The following BMPER variants were observed in gnomAD, a reference collection of about 807,000 sequenced individuals.
BMPER encodes the protein BMP binding endothelial regulator, also known as BMP-binding endothelial regulator protein.
In BMPER, 45 loss-of-function variants were observed where a neutral mutation model predicts 87.3. The ratio of observed to expected loss-of-function variants is 0.52; its 90% CI spans 0.41 to 0.66. The LOEUF (loss-of-function observed/expected upper bound fraction) is 0.66. BMPER is among the 30% of genes least tolerant of loss of function. The probability of loss-of-function intolerance (pLI) is 0.00; values close to 1 mark genes in which losing one functional copy is unlikely to be tolerated. For missense variants in BMPER, 784 were observed against 867.5 expected (o/e 0.90, Z 1.21); for synonymous variants, 326 against 316.2 (o/e 1.03, Z -0.33).
chr7:34,080,944 A>G (rs1239623854), intron 12 of BMPER, among the ~76,000 whole-genome samples: 3 of 152,204 alleles, frequency 2.0e-5, no homozygotes, highest in Non-Finnish European at 2.9e-5. Context: ...TAAATGCCAT[A>G]ATTAGATTAG....
At chr7:34,147,818 T>C (rs17753494) in intron 14 of BMPER, among the ~76,000 whole-genome samples, 3,786 of 152,272 alleles carry the variant, frequency 0.025, 80 homozygotes, top group Middle Eastern at 0.054. Flanking sequence ...AAAATACATA[T>C]GTGCCCATCA....
intron 3 of BMPER, among the ~76,000 whole-genome samples, chr7:33,947,439 T>C (rs2128612279): frequency 6.6e-6 from 1 of 152,326 alleles, no homozygotes; most frequent in South Asian, 2.1e-4. Context: ...GGGGTTTATT[T>C]TCCATAACCT....
intron 13 of BMPER, among the ~76,000 whole-genome samples, chr7:34,131,020 C>G (rs577127862): frequency 7.9e-5 from 12 of 152,108 alleles, no homozygotes; most frequent in African/African-American, 2.9e-4. Context: ...AGGCAATTAT[C>G]TCTGCAGTTG....
At chr7:33,951,446 A>G (rs185598296) in intron 3 of BMPER, among the ~76,000 whole-genome samples, 6 of 152,092 alleles carry the variant, frequency 3.9e-5, no homozygotes, top group Non-Finnish European at 7.4e-5. Context: ...TTTCTACCCT[A>G]TGTTGTAGAG....
chr7:34,059,467 A>G (rs1788374009), intron 10 of BMPER, among the ~76,000 whole-genome samples: 1 of 152,072 alleles, frequency 6.6e-6, no homozygotes, highest in South Asian at 2.1e-4. Flanking sequence ...TGTGGACCAC[A>G]TTTGGGCCAG....
chr7:34,001,177 G>A (rs1290273169), intron 6 of BMPER, among the ~76,000 whole-genome samples: 1 of 151,644 alleles, frequency 6.6e-6, no homozygotes, highest in Non-Finnish European at 1.5e-5. Flanking sequence ...GGTTAATAAA[G>A]GCTTCATAGA....
At position 34,055,298 on chromosome 7, in the gene BMPER, T is replaced by A. The variant is rs141995404; in HGVS notation, c.922T>A (p.Phe308Ile). The change falls in exon 9 of 15, where the codon TTC becomes ATC. Residue 308 changes from phenylalanine to isoleucine, a missense_variant. Phe to Ile is a conservative substitution (Grantham distance 21). Transcript: ENST00000649409. ...AGTATGCAAATTTGGCAACAAGATT[T>A]TCCAGGTATGTCATGAGACAAGCAC... The part of the protein sequence containing the change: ...IKVCKFGNKI[F>I]QDGEMWSSIN... The A allele has an allele frequency of 6.2e-7, 1 of 1,613,926 alleles. No homozygotes were observed. The highest frequency in any genetic ancestry group is 1.3e-5 in the African/African-American group (1 of 74,908).
intron 2 of BMPER, among the ~76,000 whole-genome samples, chr7:33,913,857 C>T (rs1378527467): frequency 2.0e-5 from 3 of 152,158 alleles, no homozygotes; most frequent in South Asian, 2.1e-4. Context: ...TCTCCTCTTA[C>T]TCTCAGTGAC....
chr7:34,021,437 A>G (rs544854393), intron 6 of BMPER, among the ~76,000 whole-genome samples: 6 of 152,160 alleles, frequency 3.9e-5, no homozygotes, highest in Admixed American at 3.3e-4. Context: ...TTGGTCCTAT[A>G]TATGCCAGGG....
intron 6 of BMPER, among the ~76,000 whole-genome samples, chr7:34,018,846 A>T (rs904075354): frequency 5.9e-5 from 9 of 152,030 alleles, no homozygotes; most frequent in Non-Finnish European, 1.5e-5. Context: ...AAAAAATAAA[A>T]GAAAAAAAGT....
intron 13 of BMPER, among the ~76,000 whole-genome samples, chr7:34,133,859 G>C (rs1029868550): frequency 1.3e-5 from 2 of 152,100 alleles, no homozygotes; most frequent in Non-Finnish European, 2.9e-5. Context: ...GTCAGCGTGT[G>C]GAAGCAGGAA....
At chr7:33,960,872 T>G (rs1484156467) in intron 3 of BMPER, among the ~76,000 whole-genome samples, 3 of 152,176 alleles carry the variant, frequency 2.0e-5, no homozygotes, top group African/African-American at 7.2e-5. Context: ...ATTTATCAAG[T>G]GCTTCCCACA....
intron 2 of BMPER, among the ~76,000 whole-genome samples, chr7:33,912,463 C>T (rs1407737305): frequency 6.6e-6 from 1 of 152,080 alleles, no homozygotes; most frequent in African/African-American, 2.4e-5. Flanking sequence ...TGGGTATCAA[C>T]AGTAAATTGT....
intron 2 of BMPER, among the ~76,000 whole-genome samples, chr7:33,934,819 C>T (rs1784564346): frequency 2.6e-5 from 4 of 152,240 alleles, no homozygotes; most frequent in Admixed American, 2.6e-4. Context: ...TTGGCTAAGG[C>T]CGCAGCCAGG....
chr7:34,119,211 A>C lies in BMPER; in HGVS notation c.1746-24019A>C, dbSNP rs1023201270. On this transcript the variant is annotated intron_variant, in intron 13 of 14. Transcript: ENST00000649409. ...AACGAGGGATGTGTGATACAAGCTG[A>C]GTTAAATGTTAAGATTGCATGTGCC... Among the ~76,000 whole-genome samples the C allele has an allele frequency of 7.9e-5, 12 of 152,310 alleles. No individual in the cohort carries two copies. The South Asian group carries it at 1.2e-3, about 16-fold the overall frequency.
intron 7 of BMPER, among the ~76,000 whole-genome samples, chr7:34,050,589 G>T (rs572136870): frequency 6.6e-6 from 1 of 152,222 alleles, no homozygotes; most frequent in South Asian, 2.1e-4. Context: ...GCATTTCATT[G>T]GGCCTACTGA....
chr7:33,929,539 G>C (rs751496668), intron 2 of BMPER, among the ~76,000 whole-genome samples: 1 of 152,176 alleles, frequency 6.6e-6, no homozygotes, highest in Non-Finnish European at 1.5e-5. Flanking sequence ...TGAAAATGGG[G>C]TGCTCAACAA....
chr7:34,094,724 C>T (rs552437230), intron 13 of BMPER, among the ~76,000 whole-genome samples: 5 of 152,220 alleles, frequency 3.3e-5, no homozygotes, highest in South Asian at 2.1e-4. Flanking sequence ...AAAGGGGATG[C>T]GGAGAGGACC....
intron 6 of BMPER, among the ~76,000 whole-genome samples, chr7:33,999,470 T>A (rs1251231022): frequency 6.6e-6 from 1 of 152,262 alleles, no homozygotes; most frequent in Non-Finnish European, 1.5e-5. Context: ...AAATTTTGAT[T>A]AATGTGGAAC....
Sources: allele counts gnomAD v4.1 joint callset (sites outside exome capture counted in the v4.1 genomes callset), GRCh38; gene constraint gnomAD v4.1.1; transcripts MANE v1.5; gene names NCBI Gene and HGNC (gene_info 2026-07-23, HGNC 2026-07-21).